Variants in ADAMTSL4 observed in about 807,000 individuals in gnomAD.
The protein encoded by ADAMTSL4 is ADAMTS like 4, also known as ADAMTS-like protein 4.
In ADAMTSL4, 97 loss-of-function variants were observed where a neutral mutation model predicts 122.8. The observed-to-expected ratio is 0.79, with a 90% CI of 0.67 to 0.93. The LOEUF (loss-of-function observed/expected upper bound fraction) is 0.93, where lower values mean the gene tolerates loss of function less well. ADAMTSL4 is among the 40% of genes least tolerant of loss of function. ADAMTSL4 has a pLI of 0.00. For missense variants in ADAMTSL4, 1,408 were observed against 1,453.5 expected, an observed-to-expected ratio of 0.97 and a Z score of 0.51; for synonymous variants, 592 against 568.0, an observed-to-expected ratio of 1.04 and a Z score of -0.60.
rs1160791918 is a variant in ADAMTSL4, at chr1:150,552,128, A to G, written c.-84-77A>G. On this transcript the variant is annotated intron_variant, in intron 2 of 18. Transcript: ENST00000271643. This position sits in a 1 kb window ranked among gnomAD's most constrained non-coding sequence, Gnocchi z 4.0. ...ATGGACCAGTTTCACCCCCTCCTCC[A>G]TATTCTCTGAGCTGTCCTCCCAGCC... The G allele has an allele frequency of 1.4e-6, 1 of 716,332 alleles. No individual in the cohort carries two copies. The highest frequency in any genetic ancestry group is 1.8e-5 in the African/African-American group (1 of 55,846). 44.4% of individuals were successfully genotyped at this position (716,332 alleles called of 1,614,324 possible).
intron 5 of ADAMTSL4, 40 bp downstream of exon 5, chr1:150,553,293 T>C (rs776267396): frequency 6.2e-7 from 1 of 1,608,830 alleles, no homozygotes; most frequent in South Asian, 1.1e-5. Context: ...TTGGGCAAGG[T>C]GGGGGCTTAG....
Position 150,555,549 on chromosome 1 carries a change from T to C in ADAMTSL4, c.1355T>C (p.Val452Ala). Residue 452 changes from valine (V) to alanine (A), a missense_variant, in exon 8 of 19, where the codon GTG (valine) becomes GCG (alanine). Coordinates refer to ENST00000271643, the MANE Select transcript of ADAMTSL4 (RefSeq NM_019032.6). ...CAGCCTGGAGCCCCTGACATCTGTG[T>C]GGCTGGACGCTGTCTGGTGAGGGAA... is the stretch of plus-strand genomic sequence containing the variant. ...LCQPGAPDIC[V>A]AGRCLSPGCD... is the part of the protein sequence containing the mutation. 6.2e-7 allele frequency: 1 copy of C among 1,614,124 alleles called. No individual in the cohort carries two copies. The highest frequency in any genetic ancestry group is 8.5e-7 in the Non-Finnish European group (1 of 1,180,036).
At chr1:150,555,337 C>T (rs1185010399) in intron 7 of ADAMTSL4, 92 bp from the exon 8 acceptor site, 2 of 1,529,502 alleles carry the variant, frequency 1.3e-6, no homozygotes, top group Non-Finnish European at 1.8e-6. Flanking sequence ...TCCACAGTGA[C>T]CTGGGCAACC....
chr1:150,550,297 T>A, intron 2 of ADAMTSL4: 2 of 453,346 alleles, frequency 4.4e-6, no homozygotes, highest in South Asian at 3.1e-5. Flanking sequence ...TAAATGTGCG[T>A]GTGTTTCTGC....
chr1:150,553,189 C>A lies in ADAMTSL4; in HGVS notation c.370C>A (p.Pro124Thr). The A allele has an allele frequency of 6.2e-7, 1 of 1,607,938 alleles. No homozygotes were observed. Among genetic ancestry groups the A allele is most frequent in the Non-Finnish European group, 8.5e-7 (1 of 1,176,858 alleles). Residue 124 changes from proline to threonine, a missense_variant, in exon 5 of 19, where the codon CCA (proline) becomes ACA (threonine). Pro to Thr is a conservative substitution (Grantham distance 38, BLOSUM62 -1). Transcript: ENST00000271643. ...GACACAGTCTCGGGGAAGGGGTGGC[C>A]CACTTCGAGGTCCCGCTTCCCACCT... is the stretch of plus-strand genomic sequence containing the variant. ...YRTQSRGRGG[P>T]LRGPASHLGR... is the part of the protein sequence containing the mutation.
rs1671480438 is a variant in ADAMTSL4 at position 150,552,206 on chromosome 1, G to A, written c.-83G>A. 7 of 1,446,174 alleles carry A rather than the reference G, an allele frequency of 4.8e-6. No individual in the cohort carries two copies. The South Asian group carries it at 7.5e-5, about 15-fold the overall frequency. 89.6% of individuals were successfully genotyped at this position (1,446,174 alleles called of 1,614,324 possible). ...ACCACCAGGCTTCTGTCCCTGCAGA[G>A]AGCACCCTCCACGCCCAGATGCCTG... On this transcript the variant is annotated splice_region_variant and 5_prime_UTR_variant, in exon 3 of 19. Transcript: ENST00000271643. This position sits in a 1 kb window ranked among gnomAD's most constrained non-coding sequence, Gnocchi z 4.0.
rs746798490 is a variant in ADAMTSL4 at position 150,553,446 on chromosome 1, T to A, written c.455T>A (p.Ile152Asn). ...AARRSRLRDP[I>N]KPGMFGYGRV... The stretch of plus-strand genomic sequence containing the variant: ...CTCAGGTCCCGGCTTCGAGACCCCA[T>A]CAAGCCAGGAATGTTCGGTTATGGG... Residue 152 changes from isoleucine (I) to asparagine (N), a missense_variant, in exon 6 of 19, where the codon ATC (isoleucine) becomes AAC (asparagine). By Grantham distance (149) the Ile-to-Asn change is moderately radical (BLOSUM62 -3). Coordinates refer to ENST00000271643, the MANE Select transcript of ADAMTSL4 (RefSeq NM_019032.6). 2.7e-5 allele frequency: 43 copies of A among 1,613,776 alleles called. No homozygotes were observed. The East Asian group carries it at 8.5e-4, about 32-fold the overall frequency.
In ADAMTSL4 at chr1:150,554,162, A is replaced by T. The variant is rs587673237; in HGVS notation, c.1131+40A>T. 3 of 1,593,576 alleles carry T rather than the reference A, an allele frequency of 1.9e-6. No individual in the cohort carries two copies. In the Admixed American group the frequency reaches 5.0e-5, roughly 27 times the overall value. ...GCCTCCCCTCCCAACCCCGACCTCC[A>T]GTGTGGCTTCCCTGCCCTGAAGCTG... On this transcript the variant is annotated intron_variant, in intron 6 of 18. Coordinates refer to ENST00000271643, the MANE Select transcript of ADAMTSL4 (RefSeq NM_019032.6). This position sits in a 1 kb window ranked among gnomAD's most constrained non-coding sequence, Gnocchi z 4.0.
In ADAMTSL4 at chr1:150,560,059, G is replaced by C. The variant is rs1256977225; in HGVS notation, c.3089-1G>C. Reference sequence around the variant, plus strand: ...TGCCCACTGGCCTCCTCTGTCCCCAGATGATCAATGCAAGGACAGCTCTCC... The same window carrying C: ...TGCCCACTGGCCTCCTCTGTCCCCACATGATCAATGCAAGGACAGCTCTCC... On this transcript the variant is annotated splice_acceptor_variant, in intron 18 of 18. Coordinates refer to ENST00000271643, the MANE Select transcript of ADAMTSL4 (RefSeq NM_019032.6). LOFTEE classifies it high-confidence loss of function. 1 of 1,614,096 alleles carries C rather than the reference G, an allele frequency of 6.2e-7. No individual in the cohort carries two copies. The highest frequency in any genetic ancestry group is 8.5e-7 in the Non-Finnish European group (1 of 1,180,032).
Position 150,556,698 on chromosome 1 carries a change from G to C in ADAMTSL4, c.1654G>C (p.Gly552Arg). 6.2e-7 allele frequency: 1 copy of C among 1,614,002 alleles called. No homozygotes were observed. Among genetic ancestry groups the C allele is most frequent in the Non-Finnish European group, 8.5e-7 (1 of 1,180,000 alleles). The change falls in exon 10 of 19, where the codon GGG becomes CGG. Residue 552 changes from glycine (G) to arginine (R), a missense_variant. Coordinates refer to ENST00000271643, the MANE Select transcript of ADAMTSL4 (RefSeq NM_019032.6). This position sits in a 1 kb window ranked among gnomAD's most constrained non-coding sequence, Gnocchi z 4.1. ...TCCCCCTGGGTCCTACAGGGCCGGC[G>C]GGACCGTCTTTCGATATAACCGTCC... Reference protein sequence around the residue: ...VDPPGSYRAGGTVFRYNRPPR... With the variant: ...VDPPGSYRAGRTVFRYNRPPR...
rs1570960357 is a variant in ADAMTSL4 at position 150,558,611 on chromosome 1, T to C, written c.2521T>C (p.Cys841Arg). The change falls in exon 15 of 19, where the codon TGT (cysteine) becomes CGT (arginine). Residue 841 changes from cysteine (C) to arginine (R), a missense_variant. Physicochemically the swap from Cys to Arg is radical, Grantham distance 180 (BLOSUM62 -3). Coordinates refer to ENST00000271643, the MANE Select transcript of ADAMTSL4 (RefSeq NM_019032.6). The part of the protein sequence containing the change: ...PSREACDMGP[C>R]TTAWFHSDWS... The stretch of plus-strand genomic sequence containing the variant: ...CAGAGAGGCCTGTGACATGGGGCCC[T>C]GTACTACTGCCTGGTTCCACAGCGA... The C allele has an allele frequency of 6.2e-7, 1 of 1,613,852 alleles. No homozygotes were observed. Among genetic ancestry groups the C allele is most frequent in the Non-Finnish European group, 8.5e-7 (1 of 1,179,936 alleles).
In ADAMTSL4 at chr1:150,553,689, C is replaced by T; in HGVS notation, c.698C>T (p.Pro233Leu). 1 of 1,613,474 alleles carries T rather than the reference C, an allele frequency of 6.2e-7. No homozygotes were observed. Among genetic ancestry groups the T allele is most frequent in the Non-Finnish European group, 8.5e-7 (1 of 1,179,782 alleles). The change falls in exon 6 of 19, where the codon CCT (proline) becomes CTT (leucine). Residue 233 changes from proline to leucine, a missense_variant. Coordinates refer to ENST00000271643, the MANE Select transcript of ADAMTSL4 (RefSeq NM_019032.6). ...TCCCCCCAAGCAGAACCTCTAAGCC[C>T]TGAAACTGCTCAGACAGAGGTGGCC... ...TPSPQAEPLS[P>L]ETAQTEVAPR...
In ADAMTSL4 at chr1:150,554,699, T is replaced by G; in HGVS notation, c.1234+232T>G. The G allele has an allele frequency of 2.1e-4, 306 of 1,449,396 alleles. No homozygotes were observed. Among genetic ancestry groups the G allele is most frequent in the Non-Finnish European group, 2.6e-4 (280 of 1,073,134 alleles). The allele number at this position is 1,449,396 out of a possible 1,614,324, so 89.8% of individuals were successfully genotyped here. ...TGTGGGAGACACGCTTTGTCCGGAC[T>G]CCCCTGGGAAGGCCATCACTGGGGG... On this transcript the variant is annotated intron_variant, in intron 7 of 18. Transcript: ENST00000271643. This position sits in a 1 kb window ranked among gnomAD's most constrained non-coding sequence, Gnocchi z 4.0.
chr1:150,556,133 T>C lies in ADAMTSL4; in HGVS notation c.1372-29T>C, dbSNP rs1295862609. On this transcript the variant is annotated intron_variant, in intron 8 of 18. Transcript: ENST00000271643. This position sits in a 1 kb window ranked among gnomAD's most constrained non-coding sequence, Gnocchi z 4.1. ...GGTTGAGGTGGTGTCTGGCGTTCTG[T>C]GGCCACTGCCTCACCTCACTCTCTC... 1.9e-6 allele frequency: 3 copies of C among 1,612,674 alleles called. No individual in the cohort carries two copies. The highest frequency in any genetic ancestry group is 1.7e-6 in the Non-Finnish European group (2 of 1,179,450).
intron 8 of ADAMTSL4, among the ~76,000 whole-genome samples, 171 bp downstream of exon 8, chr1:150,555,736 C>T (rs1465836504): frequency 7.5e-6 from 1 of 133,518 alleles, no homozygotes; most frequent in Non-Finnish European, 1.5e-5. Context: ...CACACACGCA[C>T]ACACACGCAT....
In ADAMTSL4 at chr1:150,559,966, T is replaced by C; in HGVS notation, c.3088+61T>C. 6.2e-7 allele frequency: 1 copy of C among 1,613,410 alleles called. No homozygotes were observed. The highest frequency in any genetic ancestry group is 2.2e-5 in the East Asian group (1 of 44,870). On this transcript the variant is annotated intron_variant, in intron 18 of 18. Coordinates refer to ENST00000271643, the MANE Select transcript of ADAMTSL4 (RefSeq NM_019032.6). This position sits in a 1 kb window ranked among gnomAD's most constrained non-coding sequence, Gnocchi z 4.1. Reference sequence around the variant, plus strand: ...GGATTAGCTGAAGTATGGGAGGAGATGAGAAAGGACCAGTGGGAATGGGCA... The same window carrying C: ...GGATTAGCTGAAGTATGGGAGGAGACGAGAAAGGACCAGTGGGAATGGGCA...
At chr1:150,550,354 G>A in intron 2 of ADAMTSL4, 1 of 449,808 alleles carries the variant, frequency 2.2e-6, no homozygotes, top group Non-Finnish European at 4.5e-6. Context: ...GGGAGGGTGG[G>A]GTGGGACTTT....
chr1:150,555,782 CATGCACAT>C, intron 8 of ADAMTSL4, among the ~76,000 whole-genome samples: 2 of 151,940 alleles, frequency 1.3e-5, no homozygotes, highest in African/African-American at 4.8e-5. Context: ...CAGACACATG[CATGCACAT>C]GTGCACACGT....
In ADAMTSL4 at chr1:150,556,260, C is replaced by A. The variant is rs1364770666; in HGVS notation, c.1470C>A (p.Asn490Lys). The change falls in exon 9 of 19, where the codon AAC (asparagine) becomes AAA (lysine). Residue 490 changes from asparagine (N) to lysine (K), a missense_variant. Coordinates refer to ENST00000271643, the MANE Select transcript of ADAMTSL4 (RefSeq NM_019032.6). This position sits in a 1 kb window ranked among gnomAD's most constrained non-coding sequence, Gnocchi z 4.1. ...CTACCTGTCGCCTTGTTTCGGGGAA[C>A]CTCACTGACCGAGGGGGCCCCCTGG... ...DDSTCRLVSG[N>K]LTDRGGPLGY... 3.7e-6 allele frequency: 6 copies of A among 1,614,020 alleles called. No homozygotes were observed. Among genetic ancestry groups the A allele is most frequent in the East Asian group, 2.2e-5 (1 of 44,892 alleles).
Sources: gnomAD v4.1 joint callset for allele counts (sites outside exome capture counted in the v4.1 genomes callset) on GRCh38, gnomAD v4.1.1 for gene constraint, Gnocchi (gnomAD v3.1) non-coding constraint, MANE v1.5 for transcripts, NCBI Gene and HGNC (gene_info 2026-07-23, HGNC 2026-07-21) for gene names.